The following CPQ variants were observed in gnomAD, a reference collection of about 807,000 sequenced individuals.
CPQ encodes the protein Ser-Met dipeptidase.
In CPQ, 37 loss-of-function variants were observed where a neutral mutation model predicts 45.7. The observed-to-expected ratio is 0.81, with a 90% CI of 0.62 to 1.07. The LOEUF (loss-of-function observed/expected upper bound fraction) is 1.07, where lower values mean the gene tolerates loss of function less well. Ranked by LOEUF, CPQ falls within the 50% of genes least tolerant of loss-of-function variation. CPQ has a pLI of 0.00. For missense variants in CPQ, 537 were observed against 572.9 expected (o/e 0.94, Z 0.64); for synonymous variants, 186 against 205.8 (o/e 0.90, Z 0.82).
intron 1 of CPQ, among the ~76,000 whole-genome samples, chr8:96,741,204 A>G (rs963548991): frequency 6.6e-6 from 1 of 152,142 alleles, no homozygotes; most frequent in African/African-American, 2.4e-5. Context: ...TAGTCTTGGG[A>G]AGGTGTATGT....
intron 6 of CPQ, among the ~76,000 whole-genome samples, chr8:97,049,116 G>A (rs59916267): frequency 0.085 from 12,960 of 152,188 alleles, 1,081 homozygotes; most frequent in African/African-American, 0.22. Context: ...AGTGACATGA[G>A]TGAAGTAATA....
chr8:96,851,225 G>A (rs1248683706), intron 3 of CPQ, among the ~76,000 whole-genome samples: 1 of 152,184 alleles, frequency 6.6e-6, no homozygotes, highest in East Asian at 1.9e-4. Flanking sequence ...AGAGAGTCGT[G>A]AGATAACTAA....
intron 3 of CPQ, among the ~76,000 whole-genome samples, chr8:96,836,228 C>G (rs1338604592): frequency 6.6e-6 from 1 of 152,114 alleles, no homozygotes; most frequent in African/African-American, 2.4e-5. Context: ...GGAGACACAG[C>G]TGCTTGACCT....
At chr8:96,691,244 A>G (rs1276285185) in intron 1 of CPQ, among the ~76,000 whole-genome samples, 20 of 152,158 alleles carry the variant, frequency 1.3e-4, no homozygotes, top group Admixed American at 1.3e-3. Flanking sequence ...TTGTTGCTGC[A>G]TAACTCTAAT....
At chr8:97,127,555 G>T (rs1248429308) in intron 7 of CPQ, among the ~76,000 whole-genome samples, 2 of 152,072 alleles carry the variant, frequency 1.3e-5, no homozygotes, top group African/African-American at 2.4e-5. Flanking sequence ...CAGGCGTGGT[G>T]GCACGCACCT....
chr8:97,086,195 G>A (rs996241066), intron 7 of CPQ, among the ~76,000 whole-genome samples: 12 of 152,214 alleles, frequency 7.9e-5, no homozygotes, highest in East Asian at 5.8e-4. Context: ...ATTGCATTTA[G>A]AACCACACAA....
intron 3 of CPQ, among the ~76,000 whole-genome samples, chr8:96,871,826 C>T (rs915507340): frequency 1.3e-5 from 2 of 151,876 alleles, no homozygotes; most frequent in Non-Finnish European, 2.9e-5. Flanking sequence ...TCTTTTGCCA[C>T]TTCCTCTCCT....
chr8:96,813,202 T>A (rs913398908), intron 2 of CPQ, among the ~76,000 whole-genome samples: 1 of 152,136 alleles, frequency 6.6e-6, no homozygotes, highest in Admixed American at 6.6e-5. Flanking sequence ...CAACTCTAGC[T>A]CAACCATTCT....
At chr8:96,803,467 T>C (rs1377779081) in intron 2 of CPQ, among the ~76,000 whole-genome samples, 1 of 152,038 alleles carries the variant, frequency 6.6e-6, no homozygotes, top group Non-Finnish European at 1.5e-5. Flanking sequence ...GATGAAGGAA[T>C]TGGAGGAATC....
At chr8:96,806,651 A>G (rs1811083834) in intron 2 of CPQ, among the ~76,000 whole-genome samples, 1 of 152,234 alleles carries the variant, frequency 6.6e-6, no homozygotes, top group African/African-American at 2.4e-5. Context: ...CAGGTACAGT[A>G]TCATACAATT....
At chr8:97,081,248 T>A (rs1810945454) in intron 7 of CPQ, among the ~76,000 whole-genome samples, 1 of 152,142 alleles carries the variant, frequency 6.6e-6, no homozygotes, top group South Asian at 2.1e-4. Flanking sequence ...CATTGTTTAT[T>A]TAGATGGGTC....
intron 3 of CPQ, among the ~76,000 whole-genome samples, chr8:96,853,683 T>C (rs963040813): frequency 6.6e-6 from 1 of 152,172 alleles, no homozygotes; most frequent in Non-Finnish European, 1.5e-5. Flanking sequence ...AATTTAGTGA[T>C]GAAACTTACT....
chr8:96,878,680 A>C (rs1020179515), intron 3 of CPQ, among the ~76,000 whole-genome samples: 1 of 152,214 alleles, frequency 6.6e-6, no homozygotes, highest in Admixed American at 6.5e-5. Flanking sequence ...GTAGTTAGAG[A>C]TAAGAATGCA....
At chr8:96,948,044 T>C (rs1813213712) in intron 4 of CPQ, among the ~76,000 whole-genome samples, 1 of 151,982 alleles carries the variant, frequency 6.6e-6, no homozygotes, top group Non-Finnish European at 1.5e-5. Context: ...CGACTCCTGC[T>C]TGCCTTCCAT....
intron 1 of CPQ, among the ~76,000 whole-genome samples, chr8:96,740,427 C>A (rs1444516468): frequency 1.3e-5 from 2 of 151,998 alleles, no homozygotes. Flanking sequence ...ATTTGACTTC[C>A]TCTTTTCCTA....
chr8:96,984,440 T>C (rs1237344586), intron 5 of CPQ, among the ~76,000 whole-genome samples: 1 of 152,164 alleles, frequency 6.6e-6, no homozygotes, highest in Non-Finnish European at 1.5e-5. Context: ...ATAAAAGGGC[T>C]GGAAGGAGGG....
chr8:96,974,310 C>T (rs1394001572), intron 5 of CPQ, among the ~76,000 whole-genome samples: 1 of 152,108 alleles, frequency 6.6e-6, no homozygotes, highest in African/African-American at 2.4e-5. Context: ...ACTAGTCCAA[C>T]AGGAAAATAT....
At chr8:97,106,465 G>A (rs2130587118) in intron 7 of CPQ, among the ~76,000 whole-genome samples, 1 of 152,378 alleles carries the variant, frequency 6.6e-6, no homozygotes, top group African/African-American at 2.4e-5. Context: ...GGATACCTCA[G>A]TGAGGAAACA....
At chr8:97,036,428 C>A (rs1810008027) in intron 6 of CPQ, among the ~76,000 whole-genome samples, 1 of 152,174 alleles carries the variant, frequency 6.6e-6, no homozygotes, top group African/African-American at 2.4e-5. Context: ...AACTTTACCA[C>A]ATAGAGAAGC....
Sources: gnomAD v4.1 joint callset for allele counts (sites outside exome capture counted in the v4.1 genomes callset) on GRCh38, gnomAD v4.1.1 for gene constraint, MANE v1.5 for transcripts, NCBI Gene and HGNC (gene_info 2026-07-23, HGNC 2026-07-21) for gene names.